The following TRIM9 variants were observed in gnomAD, a reference collection of about 807,000 sequenced individuals.
The protein encoded by TRIM9 is tripartite motif containing 9.
Under a neutral mutation model 78.3 loss-of-function variants are expected in TRIM9, and 26 were observed. The ratio of observed to expected loss-of-function variants is 0.33; its 90% CI spans 0.24 to 0.46. The LOEUF is 0.46. TRIM9 is among the 20% of genes least tolerant of loss of function. The pLI is 1.00. For synonymous variants in TRIM9, 398 were observed against 416.5 expected (o/e 0.96, Z 0.54); for missense variants, 787 against 1,036.4 (o/e 0.76, Z 3.30).
At chr14:51,046,286 A>G (rs2059944778) in intron 1 of TRIM9, among the ~76,000 whole-genome samples, 1 of 152,208 alleles carries the variant, frequency 6.6e-6, no homozygotes, top group African/African-American at 2.4e-5. Flanking sequence ...TGACTACACA[A>G]ACTTACACAG....
At chr14:51,084,383 T>C (rs2140327873) in intron 1 of TRIM9, among the ~76,000 whole-genome samples, 1 of 152,346 alleles carries the variant, frequency 6.6e-6, no homozygotes, top group East Asian at 1.9e-4. Flanking sequence ...AATGTTTTAG[T>C]TCCATCAATG....
At chr14:51,053,595 A>ATTTTTTTT (rs59227932) in intron 1 of TRIM9, among the ~76,000 whole-genome samples, 18 of 82,128 alleles carry the variant, frequency 2.2e-4, no homozygotes, top group East Asian at 3.4e-4. Flanking sequence ...TTTTTTTTTA[A>ATTTTTTTT]TTTTTTTTTT....
At chr14:51,060,756 T>G (rs1317796566) in intron 1 of TRIM9, among the ~76,000 whole-genome samples, 1 of 152,262 alleles carries the variant, frequency 6.6e-6, no homozygotes, top group South Asian at 2.1e-4. Context: ...CGTGAGCCTC[T>G]GCACCCAGCC....
At chr14:51,044,269 C>T (rs187879268) in intron 1 of TRIM9, among the ~76,000 whole-genome samples, 23 of 152,210 alleles carry the variant, frequency 1.5e-4, no homozygotes, top group Admixed American at 8.5e-4. Flanking sequence ...GGTCAACAAT[C>T]CAAATTGTTG....
At chr14:51,066,230 A>G (rs1461979785) in intron 1 of TRIM9, among the ~76,000 whole-genome samples, 1 of 152,116 alleles carries the variant, frequency 6.6e-6, no homozygotes, top group Admixed American at 6.5e-5. Context: ...GACTAAACTC[A>G]GTGTCTGTGT....
intron 7 of TRIM9, among the ~76,000 whole-genome samples, chr14:50,994,776 C>T (rs2053982068): frequency 6.6e-6 from 1 of 152,150 alleles, no homozygotes; most frequent in African/African-American, 2.4e-5. Context: ...GCCATGATGG[C>T]TATTAGATGA....
intron 1 of TRIM9, among the ~76,000 whole-genome samples, chr14:51,082,301 T>C (rs977855152): frequency 1.3e-5 from 2 of 152,210 alleles, no homozygotes; most frequent in East Asian, 1.9e-4. Context: ...AACTTGTATA[T>C]GAATGTTCAT....
At chr14:51,045,068 C>T (rs1049154485) in intron 1 of TRIM9, among the ~76,000 whole-genome samples, 1 of 151,566 alleles carries the variant, frequency 6.6e-6, no homozygotes, top group Non-Finnish European at 1.5e-5. Context: ...AAAAAAAAAT[C>T]AAATACTGCA....
intron 1 of TRIM9, among the ~76,000 whole-genome samples, chr14:51,029,353 G>T (rs915628543): frequency 7.9e-5 from 12 of 152,104 alleles, no homozygotes; most frequent in Non-Finnish European, 2.9e-5. Flanking sequence ...CGGGCGTGGG[G>T]CACCTTCTGG....
intron 1 of TRIM9, among the ~76,000 whole-genome samples, chr14:51,061,361 C>T (rs891182116): frequency 5.4e-5 from 8 of 148,266 alleles, no homozygotes; most frequent in African/African-American, 1.8e-4. Context: ...TGCAGTGAGC[C>T]GAGATCACAC....
chr14:50,997,502 GAGGCAGTCTAAGTGGGTA>G (rs1393978643), intron 7 of TRIM9: 1 of 985,762 alleles, frequency 1.0e-6, no homozygotes, highest in Non-Finnish European at 1.2e-6. Flanking sequence ...GTATGAAACG[GAGGCAGTCTAAGTGGGTA>G]AGCCAGGAGC....
intron 1 of TRIM9, among the ~76,000 whole-genome samples, chr14:51,071,185 C>T (rs960963313): frequency 6.6e-5 from 10 of 151,450 alleles, no homozygotes; most frequent in Non-Finnish European, 1.5e-4. Flanking sequence ...AAAACCAGCC[C>T]GGACAACATG....
At chr14:51,076,205 G>A (rs147710085) in intron 1 of TRIM9, among the ~76,000 whole-genome samples, 1 of 152,196 alleles carries the variant, frequency 6.6e-6, no homozygotes, top group East Asian at 1.9e-4. Context: ...ACACTCAAGA[G>A]GAAGAAGTTG....
At chr14:50,979,721 T>C (rs1240026141) in intron 11 of TRIM9, among the ~76,000 whole-genome samples, 172 bp from the exon 12 acceptor site, 1 of 152,218 alleles carries the variant, frequency 6.6e-6, no homozygotes, top group Non-Finnish European at 1.5e-5. Context: ...ATATACTGTA[T>C]ACCTGTTGGT....
intron 1 of TRIM9, among the ~76,000 whole-genome samples, chr14:51,035,331 A>C (rs2059048267): frequency 1.3e-5 from 2 of 152,228 alleles, no homozygotes. Flanking sequence ...GACTGTATAG[A>C]TCTAAGTGGA....
intron 1 of TRIM9, among the ~76,000 whole-genome samples, chr14:51,025,883 A>G (rs1257202767): frequency 6.6e-6 from 1 of 152,130 alleles, no homozygotes; most frequent in African/African-American, 2.4e-5. Context: ...CTCCTGCCTC[A>G]TCCGTGTCCT....
chr14:50,991,719 T>G (rs1335631047), intron 7 of TRIM9, among the ~76,000 whole-genome samples: 1 of 152,124 alleles, frequency 6.6e-6, no homozygotes, highest in Non-Finnish European at 1.5e-5. Flanking sequence ...AACAGCAGTT[T>G]TAGAGAGAGA....
At chr14:51,028,252 T>TA (rs11455211) in intron 1 of TRIM9, among the ~76,000 whole-genome samples, 74,961 of 152,008 alleles carry the variant, frequency 0.49, 19,622 homozygotes, top group African/African-American at 0.66. Context: ...TGGTATTTGA[T>TA]AAAAAATTGC....
intron 3 of TRIM9, among the ~76,000 whole-genome samples, chr14:51,019,538 C>A (rs747540905): frequency 3.3e-5 from 5 of 152,156 alleles, no homozygotes; most frequent in African/African-American, 7.2e-5. Flanking sequence ...ACTAAAGAAT[C>A]TCCCAGGTTC....
Sources: gnomAD v4.1 joint callset for allele counts (sites outside exome capture counted in the v4.1 genomes callset) on GRCh38, gnomAD v4.1.1 for gene constraint, MANE v1.5 for transcripts, NCBI Gene and HGNC (gene_info 2026-07-23, HGNC 2026-07-21) for gene names.